The following NFYA variants were observed in gnomAD, a reference collection of about 807,000 sequenced individuals.
NFYA encodes the protein nuclear transcription factor Y subunit alpha.
Under a neutral mutation model 52.8 loss-of-function variants are expected in NFYA, and 28 were observed. That is an observed-to-expected ratio of 0.53 (90% CI 0.39 to 0.73). NFYA has a LOEUF of 0.73. Among genes scored for constraint, NFYA ranks in the 30% least tolerant of loss-of-function variants. NFYA has a pLI of 0.00. For synonymous variants in NFYA, 150 were observed against 150.7 expected (o/e 1.00, Z 0.03); for missense variants, 234 against 427.0 (o/e 0.55, Z 3.98).
intron 4 of NFYA, among the ~76,000 whole-genome samples, chr6:41,089,055 G>T (rs554107490): frequency 1.3e-4 from 20 of 152,032 alleles, no homozygotes; most frequent in African/African-American, 4.6e-4. Flanking sequence ...GCGTGATCTC[G>T]GCTCACTGCA....
chr6:41,073,822 C>G (rs1452708414), intron 1 of NFYA, among the ~76,000 whole-genome samples: 1 of 152,172 alleles, frequency 6.6e-6, no homozygotes, highest in African/African-American at 2.4e-5. Flanking sequence ...GGTCTCCGGC[C>G]CGGCGCCGTT....
intron 1 of NFYA, among the ~76,000 whole-genome samples, chr6:41,077,069 A>C (rs1763752003): frequency 6.6e-6 from 1 of 152,210 alleles, no homozygotes; most frequent in Non-Finnish European, 1.5e-5. Flanking sequence ...TACATATATT[A>C]GTCATTATGT....
intron 1 of NFYA, among the ~76,000 whole-genome samples, chr6:41,074,179 C>T (rs1032425156): frequency 6.6e-6 from 1 of 152,250 alleles, no homozygotes; most frequent in East Asian, 1.9e-4. Flanking sequence ...GTCCACTCAT[C>T]TCTTGGTTTA....
chr6:41,073,476 C>T (rs909913255), intron 1 of NFYA, among the ~76,000 whole-genome samples: 9 of 152,094 alleles, frequency 5.9e-5, no homozygotes, highest in African/African-American at 2.2e-4. Context: ...GCGATTTCCT[C>T]CTGGTCGTTC....
At chr6:41,082,112 T>G (rs1179334743) in intron 3 of NFYA, among the ~76,000 whole-genome samples, 1 of 152,250 alleles carries the variant, frequency 6.6e-6, no homozygotes, top group Non-Finnish European at 1.5e-5. Flanking sequence ...GCATCTCACT[T>G]TATTGCTAGT....
At chr6:41,093,541 G>A (rs1764254633) in intron 8 of NFYA, among the ~76,000 whole-genome samples, 1 of 151,526 alleles carries the variant, frequency 6.6e-6, no homozygotes, top group Admixed American at 6.6e-5. Flanking sequence ...CACAATCTCA[G>A]CTCACTGCAA....
At position 41,080,911 on chromosome 6, in the gene NFYA, T is replaced by A. The variant is rs1347679060; in HGVS notation, c.162+14T>A. The A allele has an allele frequency of 1.2e-6, 2 of 1,604,078 alleles. No individual in the cohort carries two copies. Among genetic ancestry groups the A allele is most frequent in the Non-Finnish European group, 1.7e-6 (2 of 1,170,924 alleles). On this transcript the variant is annotated intron_variant, in intron 3 of 9. Coordinates refer to ENST00000341376, the MANE Select transcript of NFYA (RefSeq NM_002505.5). ...ACCCTCCAGGTAGTGGTACCCTCTC[T>A]GATTCTCTGTGAGCACTGCATGAAC...
intron 4 of NFYA, among the ~76,000 whole-genome samples, chr6:41,087,084 G>A (rs915484646): frequency 6.6e-6 from 1 of 151,988 alleles, no homozygotes; most frequent in Non-Finnish European, 1.5e-5. Flanking sequence ...TATAAATAAC[G>A]TTTATGTATT....
intron 1 of NFYA, among the ~76,000 whole-genome samples, chr6:41,077,205 A>T (rs1293804242): frequency 6.6e-6 from 1 of 152,168 alleles, no homozygotes; most frequent in African/African-American, 2.4e-5. Context: ...TCCTTTCATG[A>T]TCCTTATTTT....
rs566135080 is a variant in NFYA, at chr6:41,099,349, T to G, written c.*1939T>G. 7 of 152,314 alleles carry G rather than the reference T, an allele frequency of 4.6e-5. No homozygotes were observed. The South Asian group carries it at 1.0e-3, about 23-fold the overall frequency. 9.4% of individuals were successfully genotyped at this position (152,314 alleles called of 1,614,324 possible). A position where few individuals can be genotyped will look rare whatever the true frequency, so the allele number is the denominator to read the frequency against. On this transcript the variant is annotated 3_prime_UTR_variant, in exon 10 of 10. Coordinates refer to ENST00000341376, the MANE Select transcript of NFYA (RefSeq NM_002505.5). ...GAAAGAAATTACTCAGACCTAACTT[T>G]GAGTGCTTAAGCTGCCAACAGTTAG...
intron 4 of NFYA, among the ~76,000 whole-genome samples, chr6:41,088,354 C>T (rs571538885): frequency 5.0e-5 from 7 of 138,894 alleles, no homozygotes; most frequent in South Asian, 2.3e-4. Flanking sequence ...ACCCAGGAGG[C>T]GGAGCTTGCA....
Position 41,089,632 on chromosome 6 carries a change from G to T in NFYA, c.363G>T (p.Gln121His). ...QIQIQGGQAV[Q>H]VQGQQGQTQQ... The stretch of plus-strand genomic sequence containing the variant: ...AGATCCAGGGTGGACAGGCTGTGCA[G>T]GTGCAGGGCCAGCAGGGCCAGACCC... Residue 121 changes from glutamine (Q) to histidine (H), a missense_variant, in exon 5 of 10, where the codon CAG becomes CAT. By Grantham distance (24) the Gln-to-His change is conservative. Around this residue, in one of 3 missense-constraint regions of NFYA, gnomAD observed 118 missense variants for 182.4 expected, o/e 0.65. Transcript: ENST00000341376. The T allele has an allele frequency of 6.2e-7, 1 of 1,612,752 alleles. No homozygotes were observed. Among genetic ancestry groups the T allele is most frequent in the East Asian group, 2.2e-5 (1 of 44,876 alleles).
At position 41,100,111 on chromosome 6, in the gene NFYA, G is replaced by A. The variant is rs1363178752; in HGVS notation, c.*2701G>A. 1 of 152,122 alleles carries A rather than the reference G, an allele frequency of 6.6e-6. No homozygotes were observed. Among genetic ancestry groups the A allele is most frequent in the Non-Finnish European group, 1.5e-5 (1 of 68,034 alleles). 9.4% of individuals were successfully genotyped at this position (152,122 alleles called of 1,614,324 possible). A position where few individuals can be genotyped will look rare whatever the true frequency, so the allele number is the denominator to read the frequency against. On this transcript the variant is annotated 3_prime_UTR_variant, in exon 10 of 10. Coordinates refer to ENST00000341376, the MANE Select transcript of NFYA (RefSeq NM_002505.5). ...AAACAGTATCAAACTTGTAATGTCT[G>A]AGCCTCTTAGCTTTATCTCCCCTTA...
At position 41,089,521 on chromosome 6, in the gene NFYA, G is replaced by T. The variant is rs1764140998; in HGVS notation, c.310-58G>T. ...TAGAGAAATGTGGATAACTCTCGGG[G>T]ACCAAAGGAGACCAGTGTCAGTAGA... is the stretch of plus-strand genomic sequence containing the variant. On this transcript the variant is annotated intron_variant, in intron 4 of 9. Transcript: ENST00000341376. 4 of 1,483,408 alleles carry T rather than the reference G, an allele frequency of 2.7e-6. No homozygotes were observed. In the South Asian group the frequency reaches 4.1e-5, roughly 15 times the overall value. 91.9% of individuals were successfully genotyped at this position (1,483,408 alleles called of 1,614,324 possible).
chr6:41,084,848 G>T (rs1314436275), intron 4 of NFYA, among the ~76,000 whole-genome samples: 1 of 152,162 alleles, frequency 6.6e-6, no homozygotes, highest in Admixed American at 6.5e-5. Context: ...TGTAATCCCA[G>T]CTACTTGGGG....
At chr6:41,075,788 C>T (rs1763716675) in intron 1 of NFYA, 1 of 151,548 alleles carries the variant, frequency 6.6e-6, no homozygotes, top group Admixed American at 6.6e-5. Flanking sequence ...TCTCTGTCCT[C>T]CAAATTCCCA....
At chr6:41,086,702 G>A (rs1764054607) in intron 4 of NFYA, among the ~76,000 whole-genome samples, 1 of 152,094 alleles carries the variant, frequency 6.6e-6, no homozygotes, top group South Asian at 2.1e-4. Flanking sequence ...CTTGGCCTGA[G>A]AAAGATACTG....
intron 3 of NFYA, among the ~76,000 whole-genome samples, chr6:41,082,788 G>A (rs1251087382): frequency 6.6e-6 from 1 of 152,154 alleles, no homozygotes; most frequent in Non-Finnish European, 1.5e-5. Flanking sequence ...ATTTGGAATG[G>A]GGAAATAAGG....
chr6:41,091,381 G>A (rs1434516959), intron 6 of NFYA, 147 bp from the exon 7 acceptor site: 2 of 690,716 alleles, frequency 2.9e-6, no homozygotes, highest in Non-Finnish European at 2.4e-6. Context: ...ACCACAGTGG[G>A]AGAGTACTTT....
Sources: allele counts gnomAD v4.1 joint callset (sites outside exome capture counted in the v4.1 genomes callset), GRCh38; gene constraint gnomAD v4.1.1; regional missense constraint gnomAD v4.1.1; transcripts MANE v1.5; gene names NCBI Gene and HGNC (gene_info 2026-07-23, HGNC 2026-07-21).